Variants in PELP1 observed in about 807,000 individuals in gnomAD.
The protein encoded by PELP1 is proline-, glutamic acid- and leucine-rich protein 1.
Under a neutral mutation model 95.5 loss-of-function variants are expected in PELP1, and 32 were observed. That is an observed-to-expected ratio of 0.34 (90% CI 0.25 to 0.45). The LOEUF (loss-of-function observed/expected upper bound fraction) is 0.45. Among genes scored for constraint, PELP1 ranks in the 20% least tolerant of loss-of-function variants. The probability of loss-of-function intolerance (pLI) is 1.00; values close to 1 mark genes in which losing one functional copy is unlikely to be tolerated. For missense variants in PELP1, 1,358 were observed against 1,444.8 expected (o/e 0.94, Z 0.97); for synonymous variants, 668 against 600.1 (o/e 1.11, Z -1.65).
At chr17:4,679,321 T>C (rs1337923944) in intron 5 of PELP1, among the ~76,000 whole-genome samples, 1 of 152,110 alleles carries the variant, frequency 6.6e-6, no homozygotes, top group Non-Finnish European at 1.5e-5. Context: ...ACAGGAACAT[T>C]TGTTAGTTTG....
In PELP1 at chr17:4,676,081, C is replaced by A. The variant is rs373744745; in HGVS notation, c.935G>T (p.Arg312Leu). 1 of 1,613,944 alleles carries A rather than the reference C, an allele frequency of 6.2e-7. No individual in the cohort carries two copies. Among genetic ancestry groups the A allele is most frequent in the East Asian group, 2.2e-5 (1 of 44,886 alleles). Reference protein sequence around the residue: ...DGDAHVLLQLRQRFSGLARCL... With the variant: ...DGDAHVLLQLLQRFSGLARCL... ...GCGGGCCAGTCCCGAAAACCTCTGC[C>A]GAAGCTGGAGAAGGACATGGGCATC... The change falls in exon 8 of 17, where the codon CGG becomes CTG. Residue 312 changes from arginine to leucine, a missense_variant. Coordinates refer to ENST00000572293, the MANE Select transcript of PELP1 (RefSeq NM_014389.3).
intron 6 of PELP1, 70 bp from the exon 7 acceptor site, chr17:4,676,577 G>A (rs1163158697): frequency 1.9e-6 from 3 of 1,570,270 alleles, no homozygotes; most frequent in Non-Finnish European, 2.6e-6. Context: ...CAGCCCCACT[G>A]ACACCCAAAA....
chr17:4,671,078 A>G lies in PELP1; in HGVS notation c.*361T>C. The G allele has an allele frequency of 3.3e-6, 1 of 300,736 alleles. No homozygotes were observed. Among genetic ancestry groups the G allele is most frequent in the South Asian group, 4.0e-5 (1 of 24,980 alleles). 18.6% of individuals were successfully genotyped at this position (300,736 alleles called of 1,614,324 possible). ...GACACAGGTCCACTCACTAGGATGCATTCTCCACACATTTCCCACCCCGAA... is the reference window on the plus strand; with the variant it reads ...GACACAGGTCCACTCACTAGGATGCGTTCTCCACACATTTCCCACCCCGAA... On this transcript the variant is annotated 3_prime_UTR_variant, in exon 17 of 17. Coordinates refer to ENST00000572293, the MANE Select transcript of PELP1 (RefSeq NM_014389.3).
At chr17:4,677,817 C>T (rs1260332997) in intron 5 of PELP1, among the ~76,000 whole-genome samples, 8 of 152,098 alleles carry the variant, frequency 5.3e-5, no homozygotes, top group Admixed American at 5.2e-4. Context: ...GTAGTCCCAG[C>T]TACTTGGGAG....
chr17:4,680,927 T>C (rs1871966629), intron 5 of PELP1, among the ~76,000 whole-genome samples: 1 of 152,238 alleles, frequency 6.6e-6, no homozygotes, highest in South Asian at 2.1e-4. Flanking sequence ...TGTTTGTTAT[T>C]GTATCTCCCT....
At chr17:4,695,794 C>T (rs1448324362) in intron 1 of PELP1, among the ~76,000 whole-genome samples, 1 of 150,114 alleles carries the variant, frequency 6.7e-6, no homozygotes, top group Admixed American at 6.7e-5. Context: ...GCCTTGCCAA[C>T]GTGGCGAAAC....
intron 1 of PELP1, among the ~76,000 whole-genome samples, chr17:4,699,867 G>T (rs1280280188): frequency 6.8e-6 from 1 of 146,828 alleles, no homozygotes; most frequent in African/African-American, 2.5e-5. Flanking sequence ...GATTACAGAT[G>T]TGAGTCACTG....
At chr17:4,697,993 C>A (rs1913359796) in intron 1 of PELP1, among the ~76,000 whole-genome samples, 1 of 149,562 alleles carries the variant, frequency 6.7e-6, no homozygotes, top group African/African-American at 2.5e-5. Context: ...AAGAATGACA[C>A]ATCATTTCTG....
At chr17:4,677,441 G>C (rs1019429049) in intron 5 of PELP1, among the ~76,000 whole-genome samples, 7 of 152,196 alleles carry the variant, frequency 4.6e-5, no homozygotes, top group African/African-American at 1.7e-4. Context: ...GTAAAATGTA[G>C]TGTTTCCTTC....
chr17:4,680,452 T>C (rs1283752168), intron 5 of PELP1, among the ~76,000 whole-genome samples: 1 of 152,126 alleles, frequency 6.6e-6, no homozygotes, highest in African/African-American at 2.4e-5. Context: ...TAATTTTTTG[T>C]ATTTTAGTAG....
intron 5 of PELP1, among the ~76,000 whole-genome samples, chr17:4,681,705 C>T (rs1157576460): frequency 2.0e-5 from 3 of 151,138 alleles, no homozygotes; most frequent in Non-Finnish European, 4.4e-5. Flanking sequence ...GAGGCTGAGG[C>T]AGGACAATTG....
chr17:4,675,849 T>C lies in PELP1; in HGVS notation c.1016A>G (p.Gln339Arg), dbSNP rs768947174. The C allele has an allele frequency of 8.2e-6, 13 of 1,592,278 alleles. No individual in the cohort carries two copies. The highest frequency in any genetic ancestry group is 3.4e-5 in the South Asian group (3 of 87,666). ...EFGAPVSVPV[Q>R]EILDFICRTL... ...CCGGCAGATGAAATCCAGGATTTCC[T>C]GCACAGGGACGGACACGGGAGCTCC... The change falls in exon 9 of 17, where the codon CAG (glutamine) becomes CGG (arginine). Residue 339 changes from glutamine to arginine, a missense_variant. This residue lies in a region of PELP1 where 538 missense variants were observed against 628.1 expected (regional missense o/e 0.86). Transcript: ENST00000572293. The surrounding 1 kb of genome is among the most constrained non-coding windows in gnomAD (Gnocchi z 4.3).
At chr17:4,695,422 T>G (rs1328536914) in intron 1 of PELP1, among the ~76,000 whole-genome samples, 5 of 152,048 alleles carry the variant, frequency 3.3e-5, no homozygotes, top group Admixed American at 3.3e-4. Flanking sequence ...CCCAAAATTC[T>G]GGGAAACCAA....
At chr17:4,674,432 T>G in intron 13 of PELP1, 78 bp downstream of exon 13, 1 of 1,341,782 alleles carries the variant, frequency 7.5e-7, no homozygotes, top group Non-Finnish European at 1.0e-6. Context: ...AAGGGTATAG[T>G]AGGTAGGGGA....
chr17:4,692,735 C>A (rs1308938643), intron 1 of PELP1, among the ~76,000 whole-genome samples: 1 of 152,008 alleles, frequency 6.6e-6, no homozygotes, highest in South Asian at 2.1e-4. Flanking sequence ...TTAGGCCGGG[C>A]GTGGTAGCTC....
At chr17:4,689,249 C>G (rs1043346992) in intron 3 of PELP1, among the ~76,000 whole-genome samples, 1 of 152,164 alleles carries the variant, frequency 6.6e-6, no homozygotes, top group African/African-American at 2.4e-5. Flanking sequence ...TAGAAGATAA[C>G]ATCAGAAAAA....
chr17:4,699,849 A>G (rs1284681779), intron 1 of PELP1, among the ~76,000 whole-genome samples: 9 of 149,862 alleles, frequency 6.0e-5, no homozygotes, highest in Admixed American at 6.0e-4. Context: ...AGCCTCCCAA[A>G]GTGCTGGGAT....
intron 1 of PELP1, among the ~76,000 whole-genome samples, chr17:4,697,226 G>A (rs1322415296): frequency 6.6e-6 from 1 of 152,120 alleles, no homozygotes; most frequent in Non-Finnish European, 1.5e-5. Context: ...GAGAGGAGAG[G>A]AGAGGGGCTG....
chr17:4,688,068 C>T (rs1597453827), intron 3 of PELP1, among the ~76,000 whole-genome samples: 1 of 152,194 alleles, frequency 6.6e-6, no homozygotes, highest in Non-Finnish European at 1.5e-5. Context: ...GGCACAGTGG[C>T]TCACACCTGT....
Sources: allele counts gnomAD v4.1 joint callset (sites outside exome capture counted in the v4.1 genomes callset), GRCh38; gene constraint gnomAD v4.1.1; regional missense constraint gnomAD v4.1.1; non-coding constraint Gnocchi (gnomAD v3.1); transcripts MANE v1.5; gene names NCBI Gene and HGNC (gene_info 2026-07-23, HGNC 2026-07-21).